Variants in GALNT13 observed in about 807,000 individuals in gnomAD.
GALNT13 encodes polypeptide N-acetylgalactosaminyltransferase 13, also known as UDP-GalNAc:polypeptide N-acetylgalactosaminyltransferase 13.
A neutral mutation model predicts 64.2 loss-of-function variants in GALNT13; 28 were observed. The ratio of observed to expected loss-of-function variants is 0.44; its 90% CI spans 0.32 to 0.60. GALNT13 has a LOEUF of 0.60. GALNT13 is among the 20% of genes least tolerant of loss of function. The pLI is 0.05. For synonymous variants in GALNT13, 214 were observed against 224.6 expected, an observed-to-expected ratio of 0.95 and a Z score of 0.42; for missense variants, 577 against 669.8, an observed-to-expected ratio of 0.86 and a Z score of 1.53.
chr2:153,962,995 A>G (rs752333066), intron 3 of GALNT13, among the ~76,000 whole-genome samples: 4 of 152,200 alleles, frequency 2.6e-5, no homozygotes, highest in Non-Finnish European at 4.4e-5. Flanking sequence ...TCATGCTGCT[A>G]TAACAGAACA....
chr2:153,308,814 G>C, the GALNT13 span, among the ~76,000 whole-genome samples: 1 of 152,026 alleles, frequency 6.6e-6, no homozygotes, highest in Non-Finnish European at 1.5e-5. Context: ...AGAATCATGA[G>C]TAGAATGGAA....
At chr2:153,941,351 T>C (rs1297513990) in intron 2 of GALNT13, among the ~76,000 whole-genome samples, 2 of 152,172 alleles carry the variant, frequency 1.3e-5, no homozygotes. Flanking sequence ...CAAGTAAAAA[T>C]CCTATAACAT....
At chr2:153,890,329 C>T (rs993412989) in intron 1 of GALNT13, among the ~76,000 whole-genome samples, 18 of 151,938 alleles carry the variant, frequency 1.2e-4, no homozygotes, top group African/African-American at 4.1e-4. Flanking sequence ...ATATGTGCCT[C>T]ATTCATTCAC....
intron 9 of GALNT13, among the ~76,000 whole-genome samples, chr2:154,319,661 A>G (rs1459126547): frequency 5.8e-5 from 6 of 102,670 alleles, no homozygotes; most frequent in African/African-American, 1.9e-4. Flanking sequence ...CAAGACTCTG[A>G]AAAAAAAAAA....
chr2:154,004,362 C>T (rs539652567), intron 3 of GALNT13, among the ~76,000 whole-genome samples: 1 of 152,016 alleles, frequency 6.6e-6, no homozygotes, highest in Non-Finnish European at 1.5e-5. Flanking sequence ...TGCATCGCCA[C>T]GCCCAGCTAA....
intron 9 of GALNT13, among the ~76,000 whole-genome samples, chr2:154,382,956 G>C (rs909411728): frequency 2.0e-5 from 3 of 151,884 alleles, no homozygotes; most frequent in African/African-American, 7.2e-5. Context: ...GAGGTGGGGA[G>C]CATCAGTTTC....
At chr2:153,249,070 G>A in the GALNT13 span, among the ~76,000 whole-genome samples, 5 of 152,118 alleles carry the variant, frequency 3.3e-5, no homozygotes, top group Non-Finnish European at 5.9e-5. Context: ...TATTCAAATA[G>A]AAAGAGAGAA....
chr2:153,892,211 G>A (rs1687598359), intron 1 of GALNT13, among the ~76,000 whole-genome samples: 1 of 151,944 alleles, frequency 6.6e-6, no homozygotes. Context: ...ACCTACCAAA[G>A]TCCATAATAC....
At chr2:153,513,582 T>C in the GALNT13 span, among the ~76,000 whole-genome samples, 1 of 152,242 alleles carries the variant, frequency 6.6e-6, no homozygotes, top group Non-Finnish European at 1.5e-5. Context: ...ATTTTTCCAT[T>C]GGTCATCTTT....
chr2:153,514,376 C>G, the GALNT13 span, among the ~76,000 whole-genome samples: 1 of 152,198 alleles, frequency 6.6e-6, no homozygotes, highest in Admixed American at 6.5e-5. Context: ...TCCCATCTCT[C>G]TGAAAGCATT....
At chr2:153,936,877 T>C (rs753479244) in intron 2 of GALNT13, among the ~76,000 whole-genome samples, 10 of 152,010 alleles carry the variant, frequency 6.6e-5, no homozygotes, top group East Asian at 1.9e-4. Flanking sequence ...TGTGCCACCA[T>C]GCCCGGCTAG....
the GALNT13 span, among the ~76,000 whole-genome samples, chr2:153,322,487 T>G: frequency 9.3e-3 from 1,415 of 152,234 alleles, 26 homozygotes; most frequent in East Asian, 0.084. Flanking sequence ...GAGTACATGT[T>G]TCTTATTGGT....
At chr2:153,166,066 G>A in the GALNT13 span, among the ~76,000 whole-genome samples, 2 of 152,162 alleles carry the variant, frequency 1.3e-5, no homozygotes, top group South Asian at 2.1e-4. Context: ...GAATTTACAC[G>A]AGTGGCATAC....
At chr2:153,904,702 T>C (rs1208963783) in intron 2 of GALNT13, among the ~76,000 whole-genome samples, 2 of 151,916 alleles carry the variant, frequency 1.3e-5, no homozygotes, top group African/African-American at 4.8e-5. Context: ...TCCCATCAGT[T>C]AAATATGCTG....
the GALNT13 span, among the ~76,000 whole-genome samples, chr2:153,728,012 G>T: frequency 3.3e-4 from 50 of 152,106 alleles, no homozygotes; most frequent in African/African-American, 1.2e-3. Context: ...TTCTGTTCCT[G>T]TGTTAGTTTG....
At chr2:153,535,784 A>C in the GALNT13 span, among the ~76,000 whole-genome samples, 1 of 152,194 alleles carries the variant, frequency 6.6e-6, no homozygotes, top group South Asian at 2.1e-4. Flanking sequence ...AGGCATATAA[A>C]GGTTTCACTG....
the GALNT13 span, among the ~76,000 whole-genome samples, chr2:153,285,884 A>G: frequency 7.9e-5 from 12 of 152,284 alleles, no homozygotes; most frequent in Middle Eastern, 3.5e-3. Flanking sequence ...TAATTAGTCA[A>G]GAAAAACATG....
intron 9 of GALNT13, among the ~76,000 whole-genome samples, chr2:154,313,548 G>A (rs916960883): frequency 2.6e-4 from 39 of 150,858 alleles, no homozygotes; most frequent in African/African-American, 9.0e-4. Context: ...TCCACCTCCC[G>A]GGTTCAAGCG....
At chr2:153,206,409 T>C in the GALNT13 span, among the ~76,000 whole-genome samples, 1 of 152,092 alleles carries the variant, frequency 6.6e-6, no homozygotes, top group East Asian at 1.9e-4. Flanking sequence ...GATTTTTAAA[T>C]TTTTTTAATT....
Sources: gnomAD v4.1 joint callset for allele counts (sites outside exome capture counted in the v4.1 genomes callset) on GRCh38, gnomAD v4.1.1 for gene constraint, MANE v1.5 for transcripts, NCBI Gene and HGNC (gene_info 2026-07-23, HGNC 2026-07-21) for gene names.